CCNA1: variants seen among roughly 807,000 people sequenced by gnomAD.
The protein encoded by CCNA1 is cyclin A1.
In CCNA1, 23 loss-of-function variants were observed where a neutral mutation model predicts 54.1. The ratio of observed to expected loss-of-function variants is 0.42; its 90% CI spans 0.31 to 0.60. CCNA1 has a LOEUF of 0.60. Ranked by LOEUF, CCNA1 falls within the 20% of genes least tolerant of loss-of-function variation. CCNA1 has a pLI of 0.14. For missense variants in CCNA1, 450 were observed against 556.7 expected (o/e 0.81, Z 1.93); for synonymous variants, 208 against 213.9 (o/e 0.97, Z 0.24).
At chr13:36,440,813 G>A (rs1242112758) in intron 6 of CCNA1, among the ~76,000 whole-genome samples, 1 of 152,158 alleles carries the variant, frequency 6.6e-6, no homozygotes, top group South Asian at 2.1e-4. Flanking sequence ...TCCAATTCCA[G>A]CTGCCAGAGC....
rs1411610101 is a variant in CCNA1, at chr13:36,433,181, T to C, written c.257T>C (p.Leu86Pro). The change falls in exon 2 of 9, where the codon CTG becomes CCG. Residue 86 changes from leucine to proline, a missense_variant. Leu to Pro is a moderately conservative substitution (Grantham distance 98). Coordinates refer to ENST00000255465, the MANE Select transcript of CCNA1 (RefSeq NM_003914.4). ...CCCCCGCAGAGGACAGTGCTAGGGCTGCTAACTGCAAATGGGCAGTACAGG... is the reference window on the plus strand; with the variant it reads ...CCCCCGCAGAGGACAGTGCTAGGGCCGCTAACTGCAAATGGGCAGTACAGG... The C allele has an allele frequency of 1.2e-6, 2 of 1,613,664 alleles. No homozygotes were observed. The highest frequency in any genetic ancestry group is 1.7e-6 in the Non-Finnish European group (2 of 1,179,852).
At chr13:36,439,929 G>A in intron 5 of CCNA1, 50 bp from the exon 6 acceptor site, 1 of 1,297,356 alleles carries the variant, frequency 7.7e-7, no homozygotes, top group Non-Finnish European at 1.1e-6. Flanking sequence ...TAGCACAGGA[G>A]TAGAGCCAAA....
rs772610332 is a variant in CCNA1, at chr13:36,437,894, G to A, written c.544+19G>A. The A allele has an allele frequency of 1.9e-6, 3 of 1,607,918 alleles. No individual in the cohort carries two copies. Among genetic ancestry groups the A allele is most frequent in the Non-Finnish European group, 2.6e-6 (3 of 1,176,142 alleles). On this transcript the variant is annotated intron_variant, in intron 3 of 8. Transcript: ENST00000255465. The stretch of plus-strand genomic sequence containing the variant: ...AACACAGGTAACTGACTTGCCTATG[G>A]TTGATGGCTGATGGTACCCTGTATT...
intron 4 of CCNA1, 39 bp downstream of exon 4, chr13:36,438,230 G>A (rs199819328): frequency 2.4e-5 from 38 of 1,578,078 alleles, no homozygotes; most frequent in East Asian, 2.2e-4. Context: ...TTCAGGACCC[G>A]AGCTCTTATT....
Position 36,432,581 on chromosome 13 carries a change from T to A in CCNA1, c.-41T>A. The stretch of plus-strand genomic sequence containing the variant: ...GCAGGTTTTGGGGCCTCCTGTCTGG[T>A]GGGAGGAGGCCGCAGCGCAGCACCC... On this transcript the variant is annotated 5_prime_UTR_variant, in exon 1 of 9. Coordinates refer to ENST00000255465, the MANE Select transcript of CCNA1 (RefSeq NM_003914.4). 1 of 1,334,426 alleles carries A rather than the reference T, an allele frequency of 7.5e-7. No individual in the cohort carries two copies. Among genetic ancestry groups the A allele is most frequent in the Non-Finnish European group, 1.0e-6 (1 of 969,004 alleles). The allele number at this position is 1,334,426 out of a possible 1,614,324, so 82.7% of individuals were successfully genotyped here.
intron 1 of CCNA1, 27 bp from the exon 2 acceptor site, chr13:36,433,006 G>A (rs765247318): frequency 6.2e-6 from 10 of 1,601,122 alleles, no homozygotes; most frequent in Non-Finnish European, 8.5e-6. Context: ...CGACTAAACA[G>A]CTTGTCTGTT....
rs1315047782 is a variant in CCNA1, at chr13:36,436,704, A to G, written c.298-925A>G. Among the ~76,000 whole-genome samples, 10 of 152,198 alleles carry G rather than the reference A, an allele frequency of 6.6e-5. No individual in the cohort carries two copies. The South Asian group carries it at 8.3e-4, about 13-fold the overall frequency. On this transcript the variant is annotated intron_variant, in intron 2 of 8. Transcript: ENST00000255465. ...TTGTGATTTCCCCCCAATTACTACC[A>G]TAAGTGTTCGTTTTCTTACAGACAT... is the stretch of plus-strand genomic sequence containing the variant.
chr13:36,433,224 A>G lies in CCNA1; in HGVS notation c.297+3A>G, dbSNP rs375831080. On this transcript the variant is annotated splice_donor_region_variant and intron_variant, in intron 2 of 8. Coordinates refer to ENST00000255465, the MANE Select transcript of CCNA1 (RefSeq NM_003914.4). ...AGTACAGGAGGACCTGTGGCCAGGT[A>G]ATGACTCAGACGCATTGAGAATGAT... The G allele has an allele frequency of 1.2e-6, 2 of 1,608,544 alleles. No individual in the cohort carries two copies. The highest frequency in any genetic ancestry group is 1.7e-6 in the Non-Finnish European group (2 of 1,177,246).
intron 2 of CCNA1, among the ~76,000 whole-genome samples, 172 bp downstream of exon 2, chr13:36,433,393 T>A (rs1445773383): frequency 7.6e-5 from 7 of 92,320 alleles, no homozygotes; most frequent in African/African-American, 2.4e-4. Context: ...TTTCTTTCTT[T>A]CTTTCTTTCT....
Position 36,438,093 on chromosome 13 carries a change from C to T in CCNA1, c.571C>T (p.Leu191Phe), listed in dbSNP as rs992957639. 1 of 1,613,214 alleles carries T rather than the reference C, an allele frequency of 6.2e-7. No individual in the cohort carries two copies. Among genetic ancestry groups the T allele is most frequent in the Admixed American group, 1.7e-5 (1 of 59,982 alleles). The change falls in exon 4 of 9, where the codon CTC becomes TTC. Residue 191 changes from leucine (L) to phenylalanine (F), a missense_variant. By Grantham distance (22) the Leu-to-Phe change is conservative (BLOSUM62 0). This residue lies in a region of CCNA1 where 103 missense variants were observed against 92.9 expected (regional missense o/e 1.11). Transcript: ENST00000255465. ...TTCCCCTATGCTGGTAGATTCATCT[C>T]TCCTCTCCCAGTCTGAAGATATATC...
intron 2 of CCNA1, among the ~76,000 whole-genome samples, chr13:36,435,659 C>T (rs1195684580): frequency 1.3e-5 from 2 of 152,184 alleles, no homozygotes; most frequent in Admixed American, 6.5e-5. Context: ...CTAAATCTTG[C>T]ACTCACTCCC....
rs1343408908 is a variant in CCNA1, at chr13:36,442,793, G to C, written c.*128G>C. On this transcript the variant is annotated 3_prime_UTR_variant, in exon 9 of 9. Coordinates refer to ENST00000255465, the MANE Select transcript of CCNA1 (RefSeq NM_003914.4). ...TAGATGACATTTTAAAAATGTAAAT[G>C]AATTTAGTTTCCCTTAGACTTTAGT... 4 of 774,872 alleles carry C rather than the reference G, an allele frequency of 5.2e-6. No homozygotes were observed. The East Asian group carries it at 1.1e-4, about 21-fold the overall frequency. 48.0% of individuals were successfully genotyped at this position (774,872 alleles called of 1,614,324 possible). A position where few individuals can be genotyped will look rare whatever the true frequency, so the allele number is the denominator to read the frequency against.
chr13:36,433,245 A>G (rs1323908385), intron 2 of CCNA1, 24 bp downstream of exon 2: 5 of 1,588,338 alleles, frequency 3.1e-6, no homozygotes, highest in Non-Finnish European at 4.3e-6. Context: ...CGCATTGAGA[A>G]TGATGCTTGT....
In CCNA1 at chr13:36,433,058, T is replaced by C; in HGVS notation, c.134T>C (p.Met45Thr). 1 of 1,613,866 alleles carries C rather than the reference T, an allele frequency of 6.2e-7. No homozygotes were observed. The highest frequency in any genetic ancestry group is 1.1e-5 in the South Asian group (1 of 91,054). The stretch of plus-strand genomic sequence containing the variant: ...CAGCAGCCCGTGGAGTCTGAAGCAA[T>C]GCACTGCAGCAACCCCAAGAGTGGA... Residue 45 changes from methionine (M) to threonine (T), a missense_variant, in exon 2 of 9, where the codon ATG becomes ACG. Met to Thr is a moderately conservative substitution (Grantham distance 81, BLOSUM62 -1). Coordinates refer to ENST00000255465, the MANE Select transcript of CCNA1 (RefSeq NM_003914.4).
At chr13:36,434,671 T>G (rs899584793) in intron 2 of CCNA1, among the ~76,000 whole-genome samples, 1 of 152,000 alleles carries the variant, frequency 6.6e-6, no homozygotes, top group Non-Finnish European at 1.5e-5. Context: ...AGTAACCTCC[T>G]CCTTCATGCC....
In CCNA1 at chr13:36,440,042, C is replaced by T; in HGVS notation, c.957C>T (p.Tyr319=). 1 of 1,613,436 alleles carries T rather than the reference C, an allele frequency of 6.2e-7. No homozygotes were observed. The highest frequency in any genetic ancestry group is 1.1e-5 in the South Asian group (1 of 91,074). The change falls in exon 6 of 9, where the codon TAC becomes TAT. Residue 319 remains tyrosine (Y), a synonymous_variant. Coordinates refer to ENST00000255465, the MANE Select transcript of CCNA1 (RefSeq NM_003914.4). ...TTGTCTATATCACCGATGATACATACACAAAACGACAACTGTTAAAAATGG... is the reference window on the plus strand; with the variant it reads ...TTGTCTATATCACCGATGATACATATACAAAACGACAACTGTTAAAAATGG...
At position 36,432,509 on chromosome 13, in the gene CCNA1, CAT is replaced by C. The variant is rs902047192; in HGVS notation, c.-111_-110del. On this transcript the variant is annotated 5_prime_UTR_variant, in exon 1 of 9. Transcript: ENST00000255465. ...GTGCACTTGCCAGTTGTTCCGGACA[CAT>C]AGAAAGATAACGACGGGAAGAGCGG... 4.8e-6 allele frequency: 3 copies of C among 631,484 alleles called. No homozygotes were observed. Among genetic ancestry groups the C allele is most frequent in the Admixed American group, 6.1e-5 (2 of 32,622 alleles). 39.1% of individuals were successfully genotyped at this position (631,484 alleles called of 1,614,324 possible). A position where few individuals can be genotyped will look rare whatever the true frequency, so the allele number is the denominator to read the frequency against.
At position 36,441,376 on chromosome 13, in the gene CCNA1, A is replaced by G. The variant is rs369057118; in HGVS notation, c.1212+145A>G. 6.1e-5 allele frequency: 35 copies of G among 571,976 alleles called. No homozygotes were observed. In the Admixed American group the frequency reaches 7.7e-4, roughly 13 times the overall value. 35.4% of individuals were successfully genotyped at this position (571,976 alleles called of 1,614,324 possible). A position where few individuals can be genotyped will look rare whatever the true frequency, so the allele number is the denominator to read the frequency against. ...CACTGAGTCTTCCAGGTCAGTCATGATGGCTTTGACTCAATGGCTTCACTC... is the reference window on the plus strand; with the variant it reads ...CACTGAGTCTTCCAGGTCAGTCATGGTGGCTTTGACTCAATGGCTTCACTC... On this transcript the variant is annotated intron_variant, in intron 7 of 8. Coordinates refer to ENST00000255465, the MANE Select transcript of CCNA1 (RefSeq NM_003914.4).
chr13:36,432,557 C>A lies in CCNA1; in HGVS notation c.-65C>A. The A allele has an allele frequency of 2.1e-6, 2 of 940,652 alleles. No homozygotes were observed. 58.3% of individuals were successfully genotyped at this position (940,652 alleles called of 1,614,324 possible). On this transcript the variant is annotated 5_prime_UTR_variant, in exon 1 of 9. Transcript: ENST00000255465. Reference sequence around the variant, plus strand: ...AGCGGGGCCCGCTTTGGGGTCCAGGCAGGTTTTGGGGCCTCCTGTCTGGTG... The same window carrying A: ...AGCGGGGCCCGCTTTGGGGTCCAGGAAGGTTTTGGGGCCTCCTGTCTGGTG...
Sources: allele counts gnomAD v4.1 joint callset (sites outside exome capture counted in the v4.1 genomes callset), GRCh38; gene constraint gnomAD v4.1.1; regional missense constraint gnomAD v4.1.1; transcripts MANE v1.5; gene names NCBI Gene and HGNC (gene_info 2026-07-23, HGNC 2026-07-21).